UNC13C: variants seen among roughly 807,000 people sequenced by gnomAD.
The protein encoded by UNC13C is protein unc-13 homolog C.
In UNC13C, 174 loss-of-function variants were observed where a neutral mutation model predicts 245.4. The observed-to-expected ratio is 0.71, with a 90% CI of 0.63 to 0.80. The LOEUF is 0.80. UNC13C is among the 30% of genes least tolerant of loss of function. The pLI, the probability that UNC13C is intolerant of heterozygous loss-of-function variation, is 0.00. For missense variants in UNC13C, 2,829 were observed against 2,602.9 expected (o/e 1.09, Z -1.89); for synonymous variants, 992 against 895.1 (o/e 1.11, Z -1.93).
At chr15:54,204,475 A>G (rs2034647158) in intron 4 of UNC13C, among the ~76,000 whole-genome samples, 1 of 151,988 alleles carries the variant, frequency 6.6e-6, no homozygotes, top group African/African-American at 2.4e-5. Context: ...AAAATTAAAG[A>G]TTAAACAAAT....
chr15:54,325,769 A>G (rs544449325), intron 14 of UNC13C, among the ~76,000 whole-genome samples: 1 of 152,198 alleles, frequency 6.6e-6, no homozygotes, highest in Non-Finnish European at 1.5e-5. Context: ...AGAAAGCGTG[A>G]AATTGGATGA....
At chr15:54,514,970 GAA>G (rs1894905965) in intron 24 of UNC13C, among the ~76,000 whole-genome samples, 1 of 152,040 alleles carries the variant, frequency 6.6e-6, no homozygotes, top group Admixed American at 6.6e-5. Flanking sequence ...AGTCAAAAGA[GAA>G]AAGCAAACCA....
At chr15:53,844,261 A>G in the UNC13C span, among the ~76,000 whole-genome samples, 1 of 152,210 alleles carries the variant, frequency 6.6e-6, no homozygotes, top group Non-Finnish European at 1.5e-5. Flanking sequence ...GTGAAGTAGA[A>G]GGCAAGGTTA....
intron 19 of UNC13C, among the ~76,000 whole-genome samples, chr15:54,435,201 ACCATTTGACCCAGCAATC>A (rs2040956148): frequency 1.3e-5 from 2 of 152,240 alleles, no homozygotes; most frequent in Middle Eastern, 6.8e-3. Flanking sequence ...AACCAGAAAT[ACCATTTGACCCAGCAATC>A]CCATTACTGG....
chr15:54,077,879 A>T (rs1898723494), intron 2 of UNC13C, among the ~76,000 whole-genome samples: 1 of 152,190 alleles, frequency 6.6e-6, no homozygotes, highest in Non-Finnish European at 1.5e-5. Context: ...ACGTGAGTAT[A>T]TTGCAAAATG....
intron 15 of UNC13C, 140 bp from the exon 16 acceptor site, chr15:54,333,626 AT>A: frequency 3.4e-6 from 2 of 584,430 alleles, no homozygotes; most frequent in Non-Finnish European, 6.1e-6. Flanking sequence ...TGACAAAAAT[AT>A]TTTAAGAATA....
At chr15:54,456,752 C>T (rs930443680) in intron 19 of UNC13C, among the ~76,000 whole-genome samples, 3 of 151,854 alleles carry the variant, frequency 2.0e-5, no homozygotes, top group Non-Finnish European at 2.9e-5. Flanking sequence ...TTACTCAATT[C>T]GTTTATCAGA....
chr15:53,986,930 C>G (rs1894168400), intron 1 of UNC13C, among the ~76,000 whole-genome samples: 1 of 151,946 alleles, frequency 6.6e-6, no homozygotes, highest in Non-Finnish European at 1.5e-5. Context: ...ATCAGGAATT[C>G]AAACATTAAT....
intron 2 of UNC13C, among the ~76,000 whole-genome samples, chr15:54,034,216 T>C (rs992117103): frequency 6.6e-6 from 1 of 152,206 alleles, no homozygotes; most frequent in Non-Finnish European, 1.5e-5. Context: ...CTCCCTGTTT[T>C]GGTGCCTCAG....
Position 54,186,836 on chromosome 15 carries a change from A to AATATATATATATATATATAT in UNC13C, c.3071+43160_3071+43161insATATATATATATATATATAT, listed in dbSNP as rs372623344. Reference sequence around the variant, plus strand: ...GTCCACTGACACATACAAAGAACATAATATATATGTATATATATATTTTGT... The same window carrying AATATATATATATATATATAT: ...GTCCACTGACACATACAAAGAACATAATATATATATATATATATATATATATATGTATATATATATTTTGT... On this transcript the variant is annotated intron_variant, in intron 4 of 32. Transcript: ENST00000260323. Among the ~76,000 whole-genome samples the AATATATATATATATATATAT allele has an allele frequency of 2.4e-4, 30 of 126,174 alleles. 2 individuals carry two copies. The highest frequency in any genetic ancestry group is 6.9e-4 in the South Asian group (3 of 4,376). The allele number at this position is 126,174 out of a possible 152,430, so 82.8% of individuals were successfully genotyped here. A position where few individuals can be genotyped will look rare whatever the true frequency, so the allele number is the denominator to read the frequency against.
chr15:54,329,149 A>T (rs2140990735), intron 14 of UNC13C, among the ~76,000 whole-genome samples: 1 of 144,536 alleles, frequency 6.9e-6, no homozygotes, highest in East Asian at 2.1e-4. Context: ...TAAATTTCTA[A>T]TTGGATACGT....
chr15:54,077,376 CT>C (rs768240170), intron 2 of UNC13C, among the ~76,000 whole-genome samples: 24 of 62,718 alleles, frequency 3.8e-4, no homozygotes, highest in African/African-American at 9.1e-4. Context: ...CTTTTCTTTT[CT>C]TTTTTTTTTT....
the UNC13C span, among the ~76,000 whole-genome samples, chr15:53,884,264 C>T: frequency 6.6e-6 from 1 of 152,122 alleles, no homozygotes; most frequent in Non-Finnish European, 1.5e-5. Context: ...GAGTTGTGAT[C>T]CAGACTTAGT....
chr15:54,512,430 A>C (rs528277684), intron 24 of UNC13C: 94 of 453,252 alleles, frequency 2.1e-4, no homozygotes, highest in Non-Finnish European at 3.1e-4. Context: ...TCCAACCCTC[A>C]CTCCATACCT....
At chr15:54,460,148 G>A (rs1239804603) in intron 19 of UNC13C, among the ~76,000 whole-genome samples, 1 of 152,178 alleles carries the variant, frequency 6.6e-6, no homozygotes, top group African/African-American at 2.4e-5. Context: ...AGACTCGAGT[G>A]ATTGTTATTG....
At chr15:54,551,102 G>T (rs572882939) in intron 28 of UNC13C, among the ~76,000 whole-genome samples, 187 of 152,142 alleles carry the variant, frequency 1.2e-3, no homozygotes, top group Middle Eastern at 3.4e-3. Context: ...GGTAACTCTG[G>T]TTTCTGTTAC....
At chr15:54,169,444 C>G (rs1475813533) in intron 4 of UNC13C, among the ~76,000 whole-genome samples, 2 of 152,144 alleles carry the variant, frequency 1.3e-5, no homozygotes, top group African/African-American at 4.8e-5. Context: ...ATCTACTAAG[C>G]TCTCTTGTCA....
At chr15:54,332,436 C>T (rs1010735656) in intron 15 of UNC13C, among the ~76,000 whole-genome samples, 1 of 151,790 alleles carries the variant, frequency 6.6e-6, no homozygotes, top group African/African-American at 2.4e-5. Context: ...TGGCCCAGTC[C>T]TCATTTTGAA....
chr15:53,929,281 A>G, the UNC13C span, among the ~76,000 whole-genome samples: 1 of 152,208 alleles, frequency 6.6e-6, no homozygotes, highest in Middle Eastern at 3.2e-3. Context: ...ACCTCCCAGT[A>G]GGTCACTCCC....
Sources: gnomAD v4.1 joint callset for allele counts (sites outside exome capture counted in the v4.1 genomes callset) on GRCh38, gnomAD v4.1.1 for gene constraint, MANE v1.5 for transcripts, NCBI Gene and HGNC (gene_info 2026-07-23, HGNC 2026-07-21) for gene names.